PHEX: variants seen among roughly 807,000 people sequenced by gnomAD.
PHEX encodes phosphate regulating endopeptidase X-linked.
In PHEX, 16 loss-of-function variants were observed where a neutral mutation model predicts 68.0. The ratio of observed to expected loss-of-function variants is 0.24; its 90% CI spans 0.16 to 0.36. PHEX has a LOEUF of 0.36. PHEX is among the 10% of genes least tolerant of loss of function. The pLI, the probability that PHEX is intolerant of heterozygous loss-of-function variation, is 1.00. For missense variants in PHEX, 480 were observed against 575.5 expected (o/e 0.83, Z 1.70); for synonymous variants, 208 against 205.1 (o/e 1.01, Z -0.12).
intron 5 of PHEX, among the ~76,000 whole-genome samples, chrX:22,087,949 A>C (rs951609621): frequency 8.9e-6 from 1 of 111,831 alleles, no homozygotes. Context: ...TGTGATGTAC[A>C]TGTCTAAGTT....
chrX:22,180,279 C>T (rs1251198391), intron 14 of PHEX, among the ~76,000 whole-genome samples: 2 of 110,987 alleles, frequency 1.8e-5, no homozygotes, highest in Non-Finnish European at 3.8e-5. Context: ...AAGTTATAGC[C>T]AGTTCTCAGT....
chrX:22,039,810 C>A (rs1018336894), intron 2 of PHEX, among the ~76,000 whole-genome samples: 5 of 111,888 alleles, frequency 4.5e-5, no homozygotes, highest in African/African-American at 1.6e-4. Context: ...GTGGCTCATG[C>A]CTGTAATCTC....
intron 17 of PHEX, among the ~76,000 whole-genome samples, chrX:22,220,567 C>T (rs186203839): frequency 4.0e-4 from 45 of 111,959 alleles, no homozygotes; most frequent in African/African-American, 1.4e-3. Flanking sequence ...AATTTAAGTA[C>T]AGTTCCTCCC....
intron 20 of PHEX, among the ~76,000 whole-genome samples, chrX:22,235,022 A>T (rs1404825939): frequency 9.0e-6 from 1 of 111,213 alleles, no homozygotes. Flanking sequence ...AAAGTGCAGT[A>T]TCTGGACTGG....
intron 21 of PHEX, among the ~76,000 whole-genome samples, chrX:22,245,679 T>C (rs1303647875): frequency 8.9e-6 from 1 of 112,087 alleles, no homozygotes. Flanking sequence ...CTACATCAAG[T>C]GCCAGTGAGA....
intron 12 of PHEX, among the ~76,000 whole-genome samples, chrX:22,156,802 C>T (rs980131484): frequency 7.2e-5 from 8 of 110,931 alleles, no homozygotes; most frequent in South Asian, 3.8e-4. Flanking sequence ...CACATATAAT[C>T]GAAACCAATA....
At chrX:22,072,948 G>C (rs1316953564) in intron 3 of PHEX, among the ~76,000 whole-genome samples, 2 of 112,214 alleles carry the variant, frequency 1.8e-5, no homozygotes, top group Non-Finnish European at 3.8e-5. Context: ...AATGTGAGCA[G>C]AATATTTTTG....
In PHEX at chrX:22,090,340, T is replaced by C. The variant is rs1929823411; in HGVS notation, c.664-89T>C. 4 of 716,662 alleles carry C rather than the reference T, an allele frequency of 5.6e-6. No individual in the cohort carries two copies. In the South Asian group the frequency reaches 8.6e-5, roughly 15 times the overall value. The allele number at this position is 716,662 out of a possible 1,213,427, so 59.1% of individuals were successfully genotyped here. ...TGGTGACATGAGCTCAAAATATGGC[T>C]GGGATGCAGACGATTTCATCACTCT... On this transcript the variant is annotated intron_variant, in intron 5 of 21. Coordinates refer to ENST00000379374, the MANE Select transcript of PHEX (RefSeq NM_000444.6).
chrX:22,048,893 A>G (rs1425258854), intron 3 of PHEX, among the ~76,000 whole-genome samples: 1 of 112,124 alleles, frequency 8.9e-6, no homozygotes, highest in Non-Finnish European at 1.9e-5. Flanking sequence ...ATAACTGCTA[A>G]TAAAGCAACT....
chrX:22,121,637 A>G lies in PHEX; in HGVS notation c.1302+7051A>G, dbSNP rs186674493. On this transcript the variant is annotated intron_variant, in intron 11 of 21. Transcript: ENST00000379374. The stretch of plus-strand genomic sequence containing the variant: ...CTATATGCAGAAGGTTAATCTAGTT[A>G]AAGCAGAGCAAATCTATTACACTTC... Among the ~76,000 whole-genome samples the G allele has an allele frequency of 8.9e-5, 10 of 112,381 alleles. No individual in the cohort carries two copies. In the East Asian group the frequency reaches 2.5e-3, roughly 28 times the overall value.
Position 22,032,921 on chromosome X carries a change from T to C in PHEX, c.-85T>C. 1 of 687,627 alleles carries C rather than the reference T, an allele frequency of 1.5e-6. No individual in the cohort carries two copies. Among genetic ancestry groups the C allele is most frequent in the Admixed American group, 2.2e-5 (1 of 45,293 alleles). The allele number at this position is 687,627 out of a possible 1,213,427, so 56.7% of individuals were successfully genotyped here. On this transcript the variant is annotated 5_prime_UTR_variant, in exon 1 of 22. Transcript: ENST00000379374. ...CCATTAGTAGAAGAGCAAGAAAGCCTTGGATGTCAACGCCTCGCTCTTGAG... is the reference window on the plus strand; with the variant it reads ...CCATTAGTAGAAGAGCAAGAAAGCCCTGGATGTCAACGCCTCGCTCTTGAG...
In PHEX at chrX:22,114,604, G is replaced by C; in HGVS notation, c.1302+18G>C. 2 of 1,195,005 alleles carry C rather than the reference G, an allele frequency of 1.7e-6. No individual in the cohort carries two copies. Among genetic ancestry groups the C allele is most frequent in the Non-Finnish European group, 2.3e-6 (2 of 880,529 alleles). On this transcript the variant is annotated intron_variant, in intron 11 of 21. Coordinates refer to ENST00000379374, the MANE Select transcript of PHEX (RefSeq NM_000444.6). ...AGGAAATGGTAAGTGGTACTCCCCA[G>C]CTAGCAAAAAATAATGGCAATTTAG...
At chrX:22,235,419 A>G (rs907489417) in intron 20 of PHEX, among the ~76,000 whole-genome samples, 5 of 112,146 alleles carry the variant, frequency 4.5e-5, no homozygotes, top group Non-Finnish European at 9.4e-5. Flanking sequence ...CTTATGAACA[A>G]CAGAAATTTA....
intron 20 of PHEX, among the ~76,000 whole-genome samples, chrX:22,240,330 T>G (rs2147205897): frequency 8.9e-6 from 1 of 112,084 alleles, no homozygotes; most frequent in African/African-American, 3.2e-5. Flanking sequence ...CTGCATCAAC[T>G]AATGGGCAAA....
intron 9 of PHEX, among the ~76,000 whole-genome samples, chrX:22,102,509 T>C (rs1010695386): frequency 1.8e-5 from 2 of 112,482 alleles, no homozygotes; most frequent in African/African-American, 6.5e-5. Flanking sequence ...GCAGGCTGTC[T>C]TGTGATTGCT....
At chrX:22,203,730 T>A (rs969573119) in intron 15 of PHEX, among the ~76,000 whole-genome samples, 4 of 111,573 alleles carry the variant, frequency 3.6e-5, no homozygotes, top group African/African-American at 1.3e-4. Context: ...CAATTTAAAC[T>A]CTTTTTGTTC....
At chrX:22,206,548 G>A (rs1469311333) in intron 15 of PHEX, among the ~76,000 whole-genome samples, 4 of 111,363 alleles carry the variant, frequency 3.6e-5, no homozygotes, top group Non-Finnish European at 7.5e-5. Flanking sequence ...TAAGTGTTAC[G>A]ATGAGTTACA....
At chrX:22,052,912 T>C (rs1342456630) in intron 3 of PHEX, among the ~76,000 whole-genome samples, 1 of 110,230 alleles carries the variant, frequency 9.1e-6, no homozygotes. Context: ...TTAACCTACA[T>C]AACCAAAAAC....
chrX:22,201,423 G>A (rs758407293), intron 15 of PHEX, among the ~76,000 whole-genome samples: 2 of 111,583 alleles, frequency 1.8e-5, no homozygotes, highest in South Asian at 7.6e-4. Flanking sequence ...GACCTCAAGT[G>A]ATCCACCTGC....
Sources: allele counts gnomAD v4.1 joint callset (sites outside exome capture counted in the v4.1 genomes callset), GRCh38; gene constraint gnomAD v4.1.1; transcripts MANE v1.5; gene names NCBI Gene and HGNC (gene_info 2026-07-23, HGNC 2026-07-21).